ADCY3: variants seen among roughly 807,000 people sequenced by gnomAD.
ADCY3 encodes the protein adenylate cyclase 3.
A neutral mutation model predicts 119.4 loss-of-function variants in ADCY3; 70 were observed. That is an observed-to-expected ratio of 0.59 (90% confidence interval 0.48 to 0.72). The LOEUF (loss-of-function observed/expected upper bound fraction) is 0.72. Ranked by LOEUF, ADCY3 falls within the 30% of genes least tolerant of loss-of-function variation. ADCY3 has a pLI of 0.00. For synonymous variants in ADCY3, 672 were observed against 621.4 expected (o/e 1.08, Z -1.21); for missense variants, 1,238 against 1,541.6 (o/e 0.80, Z 3.30).
At chr2:24,868,865 TA>T (rs1674629159) in intron 3 of ADCY3, among the ~76,000 whole-genome samples, 2 of 136,566 alleles carry the variant, frequency 1.5e-5, no homozygotes, top group South Asian at 4.8e-4. Context: ...AAAAAAAAAA[TA>T]CAAAAAAATT....
chr2:24,845,497 G>A (rs1671558548), intron 3 of ADCY3, among the ~76,000 whole-genome samples: 1 of 152,238 alleles, frequency 6.6e-6, no homozygotes, highest in Non-Finnish European at 1.5e-5. Flanking sequence ...GTGGAACTTT[G>A]AACTTGAGAG....
In ADCY3 at chr2:24,820,078, C is replaced by G. The variant is rs149824724; in HGVS notation, c.3289G>C (p.Gly1097Arg). ...EETQVILREY[G>R]FRFVRRGPIF... is the part of the protein sequence containing the mutation. ...GGGCCTCGCCTCACAAAGCGGAAGC[C>G]GTACTCTCGGAGGATGACTTGGGTT... The change falls in exon 22 of 22, where the codon GGC becomes CGC. Residue 1097 changes from glycine (G) to arginine (R), a missense_variant. Transcript: ENST00000679454. 6.3e-7 allele frequency: 1 copy of G among 1,575,032 alleles called. No individual in the cohort carries two copies. The highest frequency in any genetic ancestry group is 8.6e-7 in the Non-Finnish European group (1 of 1,161,064).
rs1670937353 is a variant in ADCY3 at position 24,841,042 on chromosome 2, G to A, written c.1196+217C>T. Among the ~76,000 whole-genome samples, 1 of 152,238 alleles carries A rather than the reference G, an allele frequency of 6.6e-6. No homozygotes were observed. Among genetic ancestry groups the A allele is most frequent in the Non-Finnish European group, 1.5e-5 (1 of 68,036 alleles). On this transcript the variant is annotated intron_variant, in intron 6 of 21. Coordinates refer to ENST00000679454, the MANE Select transcript of ADCY3 (RefSeq NM_004036.5). The surrounding 1 kb of genome is among the most constrained non-coding windows in gnomAD (Gnocchi z 5.8). ...AAAGTGTGCCCCACAGGCTGGGGGA[G>A]CCTCGCAGGTCCCCTGGGCTGTGAG...
At chr2:24,821,670 A>C (rs1296495098) in intron 19 of ADCY3, 30 bp from the exon 20 acceptor site, 1 of 1,611,356 alleles carries the variant, frequency 6.2e-7, no homozygotes, top group African/African-American at 1.3e-5. Flanking sequence ...AGAAAGTGTC[A>C]GGGGCCGCTC....
At chr2:24,828,760 A>G (rs1209151995) in intron 13 of ADCY3, among the ~76,000 whole-genome samples, 2 of 152,178 alleles carry the variant, frequency 1.3e-5, no homozygotes, top group Admixed American at 6.5e-5. Context: ...GATTCCCGCC[A>G]TGTCATTCTA....
Position 24,918,494 on chromosome 2 carries a change from G to C in ADCY3, c.494C>G (p.Ala165Gly). 1.2e-6 allele frequency: 2 copies of C among 1,613,970 alleles called. No individual in the cohort carries two copies. Among genetic ancestry groups the C allele is most frequent in the Non-Finnish European group, 8.5e-7 (1 of 1,179,980 alleles). The change falls in exon 2 of 22, where the codon GCT becomes GGT. Residue 165 changes from alanine (A) to glycine (G), a missense_variant. By Grantham distance (60) the Ala-to-Gly change is moderately conservative. Around this residue, in one of 7 missense-constraint regions of ADCY3, gnomAD observed 227 missense variants for 249.3 expected, o/e 0.91. Transcript: ENST00000679454. The surrounding 1 kb of genome is among the most constrained non-coding windows in gnomAD (Gnocchi z 5.4). ...LGLNFARAHA[A>G]SDTVGWQVFF... ...GACCTGCCAGCCCACCGTGTCACTA[G>C]CCGCGTGGGCACGCGCGAAGTTCAG... is the stretch of plus-strand genomic sequence containing the variant.
At chr2:24,879,582 T>C (rs1289870018) in intron 2 of ADCY3, among the ~76,000 whole-genome samples, 1 of 152,116 alleles carries the variant, frequency 6.6e-6, no homozygotes, top group Non-Finnish European at 1.5e-5. Flanking sequence ...ATAATAACAC[T>C]TTGAGGACGT....
chr2:24,891,691 G>A (rs1677677371), intron 2 of ADCY3, among the ~76,000 whole-genome samples: 2 of 152,176 alleles, frequency 1.3e-5, no homozygotes, highest in South Asian at 4.1e-4. Context: ...AAATTTGTGT[G>A]AGTTTTGCTG....
intron 11 of ADCY3, 140 bp from the exon 12 acceptor site, chr2:24,831,889 G>C (rs1669570234): frequency 1.8e-6 from 1 of 569,430 alleles, no homozygotes; most frequent in Non-Finnish European, 3.1e-6. Flanking sequence ...ACAGGGGCCA[G>C]GGGGCAGGGG....
chr2:24,850,339 C>T (rs562184460), intron 3 of ADCY3, among the ~76,000 whole-genome samples: 1 of 152,316 alleles, frequency 6.6e-6, no homozygotes, highest in East Asian at 1.9e-4. Context: ...CACAGAAGAT[C>T]CCTGATTACC....
chr2:24,821,175 C>T (rs1159376547), intron 20 of ADCY3: 6 of 434,700 alleles, frequency 1.4e-5, no homozygotes, highest in African/African-American at 1.2e-4. Context: ...GTGATCTTAA[C>T]TCCTTTCAAA....
chr2:24,891,271 G>A lies in ADCY3; in HGVS notation c.676-18552C>T, dbSNP rs138475265. Among the ~76,000 whole-genome samples the A allele has an allele frequency of 3.2e-4, 48 of 152,270 alleles. 1 individual carries two copies. In the East Asian group the frequency reaches 9.1e-3, roughly 29 times the overall value. Reference sequence around the variant, plus strand: ...CAATCACAGTCCAAAAATATTAAATGAAAAATTTAAGAAATAAATAATTCA... The same window carrying A: ...CAATCACAGTCCAAAAATATTAAATAAAAAATTTAAGAAATAAATAATTCA... On this transcript the variant is annotated intron_variant, in intron 2 of 21. Transcript: ENST00000679454.
At chr2:24,823,465 C>T in intron 17 of ADCY3, 110 bp from the exon 18 acceptor site, 1 of 1,179,798 alleles carries the variant, frequency 8.5e-7, no homozygotes, top group Non-Finnish European at 1.2e-6. Flanking sequence ...GCTTTTTGGA[C>T]TCACACATCA....
At chr2:24,874,340 C>G (rs1480600863) in intron 2 of ADCY3, among the ~76,000 whole-genome samples, 1 of 152,194 alleles carries the variant, frequency 6.6e-6, no homozygotes, top group Non-Finnish European at 1.5e-5. Context: ...AGTCGCCTAC[C>G]CCGTTTGTGG....
rs1225483630 is a variant in ADCY3 at position 24,842,256 on chromosome 2, G to A, written c.954C>T (p.Val318=). Reference sequence around the variant, plus strand: ...GCCCGCGCCCCGGGCCGGCGTACCTGACGTTCTCGTGACGGTACATGTACA... The same window carrying A: ...GCCCGCGCCCCGGGCCGGCGTACCTAACGTTCTCGTGACGGTACATGTACA... ...NTMYMYRHEN[V]SILFADIVGF... Residue 318 remains valine, a splice_region_variant and synonymous_variant, in exon 4 of 22, where the codon GTC becomes GTT. Transcript: ENST00000679454. The surrounding 1 kb of genome is among the most constrained non-coding windows in gnomAD (Gnocchi z 4.9). The A allele has an allele frequency of 3.1e-6, 5 of 1,614,116 alleles. No homozygotes were observed. Among genetic ancestry groups the A allele is most frequent in the South Asian group, 1.1e-5 (1 of 91,076 alleles).
In ADCY3 at chr2:24,821,022, G is replaced by C. The variant is rs183446789; in HGVS notation, c.3128-174C>G. On this transcript the variant is annotated intron_variant, in intron 20 of 21. Transcript: ENST00000679454. Reference sequence around the variant, plus strand: ...TGGAAATCACATCTCCTGTTTATCCGTGTGCTTGTTAGGTGTCAGCCGCCA... The same window carrying C: ...TGGAAATCACATCTCCTGTTTATCCCTGTGCTTGTTAGGTGTCAGCCGCCA... The C allele has an allele frequency of 7.5e-6, 7 of 933,346 alleles. No individual in the cohort carries two copies. In the African/African-American group the frequency reaches 1.0e-4, roughly 14 times the overall value. 57.8% of individuals were successfully genotyped at this position (933,346 alleles called of 1,614,324 possible). A position where few individuals can be genotyped will look rare whatever the true frequency, so the allele number is the denominator to read the frequency against.
rs779993895 is a variant in ADCY3 at position 24,841,577 on chromosome 2, G to A, written c.1047C>T (p.Ala349=). 2 of 1,613,256 alleles carry A rather than the reference G, an allele frequency of 1.2e-6. No homozygotes were observed. Among genetic ancestry groups the A allele is most frequent in the Admixed American group, 3.3e-5 (2 of 59,978 alleles). The change falls in exon 5 of 22, where the codon GCC becomes GCT. Residue 349 remains alanine (A), a synonymous_variant. Coordinates refer to ENST00000679454, the MANE Select transcript of ADCY3 (RefSeq NM_004036.5). This position sits in a 1 kb window ranked among gnomAD's most constrained non-coding sequence, Gnocchi z 5.8. ...ELVKLLNELF[A]RFDKLAAKYH... Reference sequence around the variant, plus strand: ...TTACAGCTGCCAGCTTGTCAAAGCGGGCAAAGAGCTCGTTGAGCAGCTTCA... The same window carrying A: ...TTACAGCTGCCAGCTTGTCAAAGCGAGCAAAGAGCTCGTTGAGCAGCTTCA...
intron 11 of ADCY3, 148 bp from the exon 12 acceptor site, chr2:24,831,897 G>GGTACAGT (rs1558418894): frequency 3.8e-6 from 2 of 532,710 alleles, no homozygotes; most frequent in African/African-American, 4.4e-5. Context: ...CAGGGGGCAG[G>GGTACAGT]GGACAGCGGA....
intron 3 of ADCY3, among the ~76,000 whole-genome samples, chr2:24,864,271 A>G (rs868637980): frequency 1.3e-5 from 2 of 152,200 alleles, no homozygotes; most frequent in Non-Finnish European, 2.9e-5. Context: ...CCTGGGCGAC[A>G]GAGCAAGACT....
Sources: allele counts gnomAD v4.1 joint callset (sites outside exome capture counted in the v4.1 genomes callset), GRCh38; gene constraint gnomAD v4.1.1; regional missense constraint gnomAD v4.1.1; non-coding constraint Gnocchi (gnomAD v3.1); transcripts MANE v1.5; gene names NCBI Gene and HGNC (gene_info 2026-07-23, HGNC 2026-07-21).